Variants in EBF1 observed in about 807,000 individuals in gnomAD.
EBF1 encodes the protein transcription factor COE1.
A neutral mutation model predicts 68.4 loss-of-function variants in EBF1; 10 were observed. The observed-to-expected ratio is 0.15, with a 90% confidence interval of 0.09 to 0.25. The LOEUF is 0.25. Among genes scored for constraint, EBF1 ranks in the 10% least tolerant of loss-of-function variants. The probability of loss-of-function intolerance (pLI) is 1.00; values close to 1 mark genes in which losing one functional copy is unlikely to be tolerated. For synonymous variants in EBF1, 298 were observed against 299.8 expected (o/e 0.99, Z 0.06); for missense variants, 509 against 794.4 (o/e 0.64, Z 4.32).
At chr5:158,927,754 A>G (rs961654763) in intron 6 of EBF1, among the ~76,000 whole-genome samples, 3 of 152,180 alleles carry the variant, frequency 2.0e-5, no homozygotes, top group East Asian at 1.9e-4. Flanking sequence ...TTGGCTATCA[A>G]TTATCTTTGC....
At chr5:159,097,437 G>T (rs751698605) in intron 1 of EBF1, 41 of 378,622 alleles carry the variant, frequency 1.1e-4, no homozygotes, top group South Asian at 9.8e-4. Flanking sequence ...TACCTGACAC[G>T]CACTGCGTGG....
At chr5:158,747,951 A>G (rs1222104949) in intron 10 of EBF1, among the ~76,000 whole-genome samples, 1 of 152,166 alleles carries the variant, frequency 6.6e-6, no homozygotes, top group Non-Finnish European at 1.5e-5. Flanking sequence ...GCAGGCTGTC[A>G]CTATTGTTCA....
chr5:158,860,631 C>T (rs1794806448), intron 6 of EBF1, among the ~76,000 whole-genome samples: 1 of 152,196 alleles, frequency 6.6e-6, no homozygotes, highest in South Asian at 2.1e-4. Flanking sequence ...AAAACCCTCA[C>T]TGCCTGCTTT....
In EBF1 at chr5:159,084,714, T is replaced by C. The variant is rs778944139; in HGVS notation, c.437A>G (p.Lys146Arg). The change falls in exon 5 of 16, where the codon AAG becomes AGG. Residue 146 changes from lysine to arginine, a missense_variant. By Grantham distance (26) the Lys-to-Arg change is conservative. Transcript: ENST00000313708. ...CAAGACTCGGCACATTTCTGGGTTC[T>C]TGTCTTGGCCTTCATACACTATGGC... ...KQAIVYEGQD[K>R]NPEMCRVLLT... The C allele has an allele frequency of 3.1e-6, 5 of 1,601,358 alleles. No individual in the cohort carries two copies. The Admixed American group carries it at 8.4e-5, about 27-fold the overall frequency.
chr5:158,885,663 T>C (rs1389147103), intron 6 of EBF1, among the ~76,000 whole-genome samples: 1 of 152,110 alleles, frequency 6.6e-6, no homozygotes, highest in Non-Finnish European at 1.5e-5. Flanking sequence ...TCCTCAACAA[T>C]GACTCTGCAG....
chr5:158,890,752 T>C lies in EBF1; in HGVS notation c.555-50642A>G, dbSNP rs376155617. 2.0e-3 allele frequency among the ~76,000 whole-genome samples: 311 copies of C among 152,342 alleles called. 3 individuals are homozygous for C. The highest frequency in any genetic ancestry group is 7.3e-3 in the African/African-American group (303 of 41,584). The stretch of plus-strand genomic sequence containing the variant: ...TTTATATACTGAAGTTGAGATGATG[T>C]CATTTTCCCTTTACTTGGGAATGGA... On this transcript the variant is annotated intron_variant, in intron 6 of 15. Transcript: ENST00000313708.
At chr5:159,068,907 T>C (rs1215980085) in intron 6 of EBF1, among the ~76,000 whole-genome samples, 2 of 152,114 alleles carry the variant, frequency 1.3e-5, no homozygotes, top group Non-Finnish European at 2.9e-5. Context: ...ACAAAATTTG[T>C]GTATTTTTTT....
intron 6 of EBF1, among the ~76,000 whole-genome samples, chr5:158,894,356 C>A (rs1194978121): frequency 1.3e-5 from 2 of 151,630 alleles, no homozygotes; most frequent in Non-Finnish European, 2.9e-5. Flanking sequence ...CTTAAAAATC[C>A]TCTCTATGCA....
At chr5:159,008,607 C>T (rs1764028211) in intron 6 of EBF1, among the ~76,000 whole-genome samples, 1 of 149,274 alleles carries the variant, frequency 6.7e-6, no homozygotes, top group South Asian at 2.1e-4. Flanking sequence ...CTCACTGCAG[C>T]CTCAGCCTCC....
At chr5:158,825,286 T>C (rs1224608192) in intron 7 of EBF1, among the ~76,000 whole-genome samples, 1 of 152,238 alleles carries the variant, frequency 6.6e-6, no homozygotes, top group Non-Finnish European at 1.5e-5. Context: ...GAAATTCACT[T>C]TTCTTTTTAG....
intron 4 of EBF1, among the ~76,000 whole-genome samples, chr5:159,092,791 C>A (rs1256408502): frequency 6.6e-6 from 1 of 152,132 alleles, no homozygotes; most frequent in African/African-American, 2.4e-5. Flanking sequence ...CTAGGTATTC[C>A]TTCCACAATT....
chr5:158,754,510 C>T (rs1413598388), intron 10 of EBF1, among the ~76,000 whole-genome samples: 1 of 152,124 alleles, frequency 6.6e-6, no homozygotes, highest in East Asian at 1.9e-4. Flanking sequence ...CATAAGAATC[C>T]ACACAAGGCC....
intron 10 of EBF1, among the ~76,000 whole-genome samples, chr5:158,739,150 T>C (rs1765783130): frequency 6.6e-6 from 1 of 152,248 alleles, no homozygotes; most frequent in African/African-American, 2.4e-5. Context: ...ATGCTGTCTC[T>C]GAGATACATT....
chr5:158,995,854 T>A (rs1761303502), intron 6 of EBF1, among the ~76,000 whole-genome samples: 2 of 152,144 alleles, frequency 1.3e-5, no homozygotes, highest in Admixed American at 6.6e-5. Context: ...AGAAAGATGA[T>A]CTCATCTTCG....
intron 7 of EBF1, among the ~76,000 whole-genome samples, chr5:158,830,978 T>C (rs1401069117): frequency 6.6e-6 from 1 of 152,196 alleles, no homozygotes; most frequent in Non-Finnish European, 1.5e-5. Context: ...CTCAGATACA[T>C]GTGCTAAGCT....
At position 158,696,911 on chromosome 5, in the gene EBF1, CTTTTTTTCTTTTTCTTT is replaced by C. The variant is rs1755860230; in HGVS notation, c.*2183_*2199del. ...TCGATTTCTTTGTTTTTTTTTTTTT[CTTTTTTTCTTTTTCTTT>C]TTTCTTAGAATGTTAGTGATGACTG... On this transcript the variant is annotated 3_prime_UTR_variant, in exon 16 of 16. Coordinates refer to ENST00000313708, the MANE Select transcript of EBF1 (RefSeq NM_024007.5). 2 of 168,306 alleles carry C rather than the reference CTTTTTTTCTTTTTCTTT, an allele frequency of 1.2e-5. No individual in the cohort carries two copies. Among genetic ancestry groups the C allele is most frequent in the Non-Finnish European group, 2.5e-5 (2 of 81,526 alleles). The allele number at this position is 168,306 out of a possible 1,614,324, so 10.4% of individuals were successfully genotyped here. A position where few individuals can be genotyped will look rare whatever the true frequency, so the allele number is the denominator to read the frequency against.
intron 2 of EBF1, chr5:159,096,709 G>T (rs529895609): frequency 3.3e-6 from 2 of 608,344 alleles, no homozygotes; most frequent in Non-Finnish European, 5.8e-6. Flanking sequence ...TGGAGGGCGG[G>T]TTCATTCCGG....
chr5:158,822,556 C>T (rs540309330), intron 8 of EBF1, among the ~76,000 whole-genome samples: 38 of 152,132 alleles, frequency 2.5e-4, no homozygotes, highest in Non-Finnish European at 4.9e-4. Flanking sequence ...TTCTCCCTAC[C>T]AAAGTCTACT....
intron 6 of EBF1, among the ~76,000 whole-genome samples, chr5:158,954,953 T>C (rs942834457): frequency 2.0e-5 from 3 of 152,004 alleles, no homozygotes; most frequent in Non-Finnish European, 4.4e-5. Flanking sequence ...AAAGAAGAAA[T>C]AATCCTGAAA....
Sources: allele counts gnomAD v4.1 joint callset (sites outside exome capture counted in the v4.1 genomes callset), GRCh38; gene constraint gnomAD v4.1.1; transcripts MANE v1.5; gene names NCBI Gene and HGNC (gene_info 2026-07-23, HGNC 2026-07-21).